The following BEGAIN variants were observed in gnomAD, a reference collection of about 807,000 sequenced individuals.
BEGAIN encodes brain-enriched guanylate kinase-associated protein.
A neutral mutation model predicts 35.8 loss-of-function variants in BEGAIN; 19 were observed. The ratio of observed to expected loss-of-function variants is 0.53; its 90% CI spans 0.37 to 0.78. BEGAIN has a LOEUF of 0.78. Ranked by LOEUF, BEGAIN falls within the 30% of genes least tolerant of loss-of-function variation. The pLI, the probability that BEGAIN is intolerant of heterozygous loss-of-function variation, is 0.00. For synonymous variants in BEGAIN, 462 were observed against 388.6 expected, an observed-to-expected ratio of 1.19 and a Z score of -2.22; for missense variants, 795 against 853.6, an observed-to-expected ratio of 0.93 and a Z score of 0.85.
intron 2 of BEGAIN, among the ~76,000 whole-genome samples, chr14:100,565,373 G>T (rs7154024): frequency 0.29 from 43,550 of 152,122 alleles, 6,691 homozygotes; most frequent in African/African-American, 0.38. Flanking sequence ...TGGGGGGGCA[G>T]CCAGTGGGAG....
In BEGAIN at chr14:100,586,921, G is replaced by T. The variant is rs545822235; in HGVS notation, c.42+328C>A. 7.0e-4 allele frequency among the ~76,000 whole-genome samples: 106 copies of T among 152,108 alleles called. 1 individual carries two copies. Among genetic ancestry groups the T allele is most frequent in the African/African-American group, 2.2e-3 (90 of 41,554 alleles). On this transcript the variant is annotated intron_variant, in intron 1 of 6. Transcript: ENST00000554140. This position sits in a 1 kb window ranked among gnomAD's most constrained non-coding sequence, Gnocchi z 4.9. ...GGCGGGTCCCCAGTCCTCCGGCCGC[G>T]CCCTTGGTCACCCGTCCCTCCTTTC...
intron 4 of BEGAIN, among the ~76,000 whole-genome samples, chr14:100,544,606 G>T (rs572840570): frequency 1.3e-5 from 2 of 152,286 alleles, no homozygotes; most frequent in African/African-American, 4.8e-5. Context: ...CCACAGAGGG[G>T]TCCCCATGAG....
intron 5 of BEGAIN, among the ~76,000 whole-genome samples, chr14:100,543,074 G>A (rs1595109523): frequency 1.3e-5 from 2 of 152,340 alleles, no homozygotes; most frequent in South Asian, 2.1e-4. Context: ...CTGCCTGGAA[G>A]CAATGCTTCT....
intron 1 of BEGAIN, among the ~76,000 whole-genome samples, chr14:100,582,751 CT>C (rs2035348036): frequency 6.6e-6 from 1 of 152,094 alleles, no homozygotes; most frequent in Non-Finnish European, 1.5e-5. Context: ...CTGCTTCTTC[CT>C]TATTTCCTGA....
chr14:100,546,428 C>CTCACCT, intron 3 of BEGAIN, 73 bp downstream of exon 3: 2 of 69,364 alleles, frequency 2.9e-5, no homozygotes, highest in Non-Finnish European at 5.0e-5. Context: ...CGCCCCGCCC[C>CTCACCT]GGCCCTCGCC....
At position 100,537,932 on chromosome 14, in the gene BEGAIN, C is replaced by T; in HGVS notation, c.*37G>A. 6.4e-7 allele frequency: 1 copy of T among 1,568,496 alleles called. No homozygotes were observed. Among genetic ancestry groups the T allele is most frequent in the Non-Finnish European group, 8.6e-7 (1 of 1,158,444 alleles). On this transcript the variant is annotated 3_prime_UTR_variant, in exon 7 of 7. Transcript: ENST00000554140. ...GGCCCTTCTGGGGCACGTGGGCTGG[C>T]GGGGAGCGAACCACGGCCAGGCCTG...
chr14:100,571,967 T>C (rs2035093188), intron 1 of BEGAIN, among the ~76,000 whole-genome samples: 1 of 152,196 alleles, frequency 6.6e-6, no homozygotes, highest in South Asian at 2.1e-4. Context: ...TCTCCCTGTG[T>C]CCAGGGCCTG....
intron 1 of BEGAIN, among the ~76,000 whole-genome samples, chr14:100,580,953 C>T (rs1489029820): frequency 6.6e-6 from 1 of 152,168 alleles, no homozygotes; most frequent in Non-Finnish European, 1.5e-5. Flanking sequence ...GTCCTCCTCC[C>T]ACCCTATGGT....
At chr14:100,551,246 G>T (rs1045715289) in intron 2 of BEGAIN, among the ~76,000 whole-genome samples, 1 of 152,228 alleles carries the variant, frequency 6.6e-6, no homozygotes, top group Admixed American at 6.5e-5. Context: ...CCCTGCTAGG[G>T]TGTTGGCCTG....
Position 100,538,915 on chromosome 14 carries a change from G to C in BEGAIN, c.893C>G (p.Pro298Arg), listed in dbSNP as rs766414679. The C allele has an allele frequency of 2.5e-6, 4 of 1,607,708 alleles. No individual in the cohort carries two copies. The highest frequency in any genetic ancestry group is 3.4e-6 in the Non-Finnish European group (4 of 1,177,898). Residue 298 changes from proline (P) to arginine (R), a missense_variant, in exon 7 of 7, where the codon CCG becomes CGG. Around this residue, in one of 3 missense-constraint regions of BEGAIN, gnomAD observed 664 missense variants for 647.7 expected, o/e 1.03. Transcript: ENST00000554140. ...EEEEAEAAAF[P>R]AGFQHEAFPS... ...GAAGGCCTCATGCTGGAAGCCCGCC[G>C]GGAAGGCCGCCGCCTCGGCCTCCTC...
intron 1 of BEGAIN, among the ~76,000 whole-genome samples, chr14:100,580,079 C>T (rs60477458): frequency 0.15 from 23,290 of 152,154 alleles, 2,644 homozygotes; most frequent in East Asian, 0.56. Flanking sequence ...CCGAGGCAGG[C>T]GGATCACCTG....
intron 2 of BEGAIN, among the ~76,000 whole-genome samples, chr14:100,562,827 G>A (rs1052227043): frequency 6.6e-5 from 10 of 152,174 alleles, no homozygotes; most frequent in East Asian, 3.9e-4. Context: ...ACTTGTCACC[G>A]TGATATTTAT....
intron 5 of BEGAIN, among the ~76,000 whole-genome samples, 164 bp from the exon 6 acceptor site, chr14:100,540,743 C>A (rs567646875): frequency 2.6e-5 from 4 of 152,232 alleles, no homozygotes; most frequent in Admixed American, 2.6e-4. Flanking sequence ...GGCCTCCACA[C>A]TCTTGCCTGC....
At chr14:100,574,308 A>G (rs2035155332) in intron 1 of BEGAIN, among the ~76,000 whole-genome samples, 1 of 152,156 alleles carries the variant, frequency 6.6e-6, no homozygotes, top group African/African-American at 2.4e-5. Flanking sequence ...CCCCTGGGGA[A>G]TTTGGGCACC....
chr14:100,575,616 C>A (rs907923096), intron 1 of BEGAIN, among the ~76,000 whole-genome samples: 1 of 152,132 alleles, frequency 6.6e-6, no homozygotes, highest in Non-Finnish European at 1.5e-5. Flanking sequence ...TGGTGCCCAT[C>A]ATGAGATACG....
rs151048592 is a variant in BEGAIN, at chr14:100,539,247, C to T, written c.561G>A (p.Pro187=). 6.0e-4 allele frequency: 948 copies of T among 1,588,014 alleles called. No homozygotes were observed. The highest frequency in any genetic ancestry group is 7.0e-4 in the Non-Finnish European group (816 of 1,167,240). ...MEKHGCSLPS[P]LCHPAYADSV... ...TGTCGGCGTAGGCCGGGTGGCAGAGCGGGGATGGCAGGCTGCAGCCGTGCT... is the reference window on the plus strand; with the variant it reads ...TGTCGGCGTAGGCCGGGTGGCAGAGTGGGGATGGCAGGCTGCAGCCGTGCT... The change falls in exon 7 of 7, where the codon CCG becomes CCA. Residue 187 remains proline (P), a synonymous_variant. Coordinates refer to ENST00000554140, the MANE Select transcript of BEGAIN (RefSeq NM_001385089.1).
intron 1 of BEGAIN, among the ~76,000 whole-genome samples, chr14:100,571,853 A>C (rs958498363): frequency 6.6e-6 from 1 of 152,120 alleles, no homozygotes; most frequent in African/African-American, 2.4e-5. Context: ...TTGCACCTGG[A>C]ATGTTCTGCC....
Position 100,568,234 on chromosome 14 carries a change from G to T in BEGAIN, c.43-295C>A. The stretch of plus-strand genomic sequence containing the variant: ...GGCCCGGGATGGCCCGGCCAGGGGC[G>T]ATCTCGGCCTCGCCCGGAGGAGGGG... On this transcript the variant is annotated intron_variant, in intron 1 of 6. Coordinates refer to ENST00000554140, the MANE Select transcript of BEGAIN (RefSeq NM_001385089.1). This position sits in a 1 kb window ranked among gnomAD's most constrained non-coding sequence, Gnocchi z 7.5. 2 of 646,576 alleles carry T rather than the reference G, an allele frequency of 3.1e-6. No homozygotes were observed. Among genetic ancestry groups the T allele is most frequent in the Non-Finnish European group, 4.2e-6 (2 of 473,120 alleles). 40.1% of individuals were successfully genotyped at this position (646,576 alleles called of 1,614,324 possible).
At chr14:100,565,364 G>A (rs1332069044) in intron 2 of BEGAIN, among the ~76,000 whole-genome samples, 2 of 152,114 alleles carry the variant, frequency 1.3e-5, no homozygotes, top group Non-Finnish European at 2.9e-5. Flanking sequence ...GCGACAGCAT[G>A]GGGGGGCAGC....
Sources: allele counts gnomAD v4.1 joint callset (sites outside exome capture counted in the v4.1 genomes callset), GRCh38; gene constraint gnomAD v4.1.1; regional missense constraint gnomAD v4.1.1; non-coding constraint Gnocchi (gnomAD v3.1); transcripts MANE v1.5; gene names NCBI Gene and HGNC (gene_info 2026-07-23, HGNC 2026-07-21).